The following PTPRO variants were observed in gnomAD, a reference collection of about 807,000 sequenced individuals.
PTPRO encodes the protein receptor-type tyrosine-protein phosphatase O.
PTPRO carries 62 observed loss-of-function variants against 145.2 expected under a neutral mutation model. The ratio of observed to expected loss-of-function variants is 0.43; its 90% CI spans 0.35 to 0.53. The LOEUF is 0.53. Ranked by LOEUF, PTPRO falls within the 20% of genes least tolerant of loss-of-function variation. The pLI is 0.01. For synonymous variants in PTPRO, 565 were observed against 514.7 expected, an observed-to-expected ratio of 1.10 and a Z score of -1.32; for missense variants, 1,345 against 1,482.7, an observed-to-expected ratio of 0.91 and a Z score of 1.53.
chr12:15,490,712 G>A (rs980145364), intron 2 of PTPRO, among the ~76,000 whole-genome samples: 1 of 152,076 alleles, frequency 6.6e-6, no homozygotes, highest in African/African-American at 2.4e-5. Flanking sequence ...CCTTAACAAA[G>A]CATGCAGTAT....
intron 19 of PTPRO, among the ~76,000 whole-genome samples, chr12:15,578,203 G>T (rs974062648): frequency 6.6e-6 from 1 of 151,572 alleles, no homozygotes; most frequent in African/African-American, 2.4e-5. Flanking sequence ...TTTCTCTAAG[G>T]CTCATTGCCT....
At chr12:15,402,426 C>G (rs1253953416) in intron 1 of PTPRO, among the ~76,000 whole-genome samples, 1 of 151,808 alleles carries the variant, frequency 6.6e-6, no homozygotes, top group Non-Finnish European at 1.5e-5. Context: ...AATTCCTCCT[C>G]AAGGTATAAG....
intron 1 of PTPRO, among the ~76,000 whole-genome samples, chr12:15,465,195 T>C (rs1354913324): frequency 3.3e-5 from 5 of 152,252 alleles, no homozygotes; most frequent in African/African-American, 1.2e-4. Context: ...ATTTTTGAGC[T>C]TCATTTATAA....
At chr12:15,593,606 A>C (rs1436435835) in intron 25 of PTPRO, among the ~76,000 whole-genome samples, 1 of 152,198 alleles carries the variant, frequency 6.6e-6, no homozygotes, top group African/African-American at 2.4e-5. Context: ...CTACAACTCT[A>C]TAAATCTCAT....
chr12:15,404,180 C>A (rs901396004), intron 1 of PTPRO, among the ~76,000 whole-genome samples: 1 of 134,706 alleles, frequency 7.4e-6, no homozygotes, highest in South Asian at 2.4e-4. Flanking sequence ...CAAAGCAAGA[C>A]CCCATCTCAA....
At chr12:15,432,986 TTTGTTGTTGTTG>T (rs145848522) in intron 1 of PTPRO, among the ~76,000 whole-genome samples, 1 of 152,000 alleles carries the variant, frequency 6.6e-6, no homozygotes, top group Admixed American at 6.6e-5. Flanking sequence ...TTTGTTTGTT[TTTGTTGTTGTTG>T]TTGTTGTTAT....
rs751652917 is a variant in PTPRO at position 15,542,682 on chromosome 12, G to A, written c.2165-3887G>A. Among the ~76,000 whole-genome samples the A allele has an allele frequency of 4.7e-4, 72 of 152,248 alleles. 1 individual carries two copies. The highest frequency in any genetic ancestry group is 8.8e-4 in the Non-Finnish European group (60 of 68,006). On this transcript the variant is annotated intron_variant, in intron 12 of 26. Transcript: ENST00000281171. ...AAAAGAAACAGGTAAAATTGAATTC[G>A]ATATACTTTATGTAACCAAATATAT...
intron 16 of PTPRO, among the ~76,000 whole-genome samples, chr12:15,558,451 C>G (rs1023439245): frequency 6.6e-6 from 1 of 152,092 alleles, no homozygotes; most frequent in Non-Finnish European, 1.5e-5. Flanking sequence ...AGAGCATTGT[C>G]AAGAGATTAA....
In PTPRO at chr12:15,450,779, A is replaced by C. The variant is rs1204540937; in HGVS notation, c.76-33195A>C. Among the ~76,000 whole-genome samples, 3 of 152,036 alleles carry C rather than the reference A, an allele frequency of 2.0e-5. No homozygotes were observed. The South Asian group carries it at 6.2e-4, about 32-fold the overall frequency. On this transcript the variant is annotated intron_variant, in intron 1 of 26. Coordinates refer to ENST00000281171, the MANE Select transcript of PTPRO (RefSeq NM_030667.3). ...CAGAGTTACATGCTGTCTCAAAAAA[A>C]ATTTTTTTTTAAATAAAAAAACTAC...
intron 12 of PTPRO, among the ~76,000 whole-genome samples, chr12:15,537,435 G>A (rs919867998): frequency 5.3e-5 from 8 of 152,174 alleles, no homozygotes; most frequent in African/African-American, 1.4e-4. Context: ...ACAGAAAAGT[G>A]TCCTGTCCCA....
At chr12:15,590,534 T>A (rs540276349) in intron 25 of PTPRO, among the ~76,000 whole-genome samples, 7 of 152,176 alleles carry the variant, frequency 4.6e-5, no homozygotes, top group Non-Finnish European at 7.3e-5. Flanking sequence ...CCACTAGATG[T>A]CAGTATCACT....
intron 1 of PTPRO, chr12:15,348,732 G>C (rs1937685020): frequency 6.6e-6 from 1 of 151,698 alleles, no homozygotes; most frequent in Non-Finnish European, 1.5e-5. Context: ...AGCCTGCCGT[G>C]AGCCGAGCTC....
At chr12:15,515,976 G>GTTT (rs779273373) in intron 8 of PTPRO, among the ~76,000 whole-genome samples, 6 of 126,228 alleles carry the variant, frequency 4.8e-5, no homozygotes, top group South Asian at 2.6e-4. Context: ...TGTTTGTCTG[G>GTTT]TTTTTTTTTT....
intron 1 of PTPRO, among the ~76,000 whole-genome samples, chr12:15,372,662 G>T (rs1031954508): frequency 6.6e-6 from 1 of 152,108 alleles, no homozygotes; most frequent in East Asian, 1.9e-4. Flanking sequence ...GAAATACCAC[G>T]CAAGACATTG....
At chr12:15,399,030 G>A (rs541281647) in intron 1 of PTPRO, among the ~76,000 whole-genome samples, 8 of 152,230 alleles carry the variant, frequency 5.3e-5, no homozygotes, top group Admixed American at 2.0e-4. Context: ...GAAGGTGGTC[G>A]GACAGGATTT....
rs11056562 is a variant in PTPRO, at chr12:15,567,955, C to T, written c.2748-1462C>T. Among the ~76,000 whole-genome samples, 435 of 152,190 alleles carry T rather than the reference C, an allele frequency of 2.9e-3. 1 individual carries two copies. Among genetic ancestry groups the T allele is most frequent in the Non-Finnish European group, 4.7e-3 (322 of 68,012 alleles). ...GCATGTGACTATTTATGAAGTGTAGCGTGTTTTATAAATGAGTTATTGTTA... is the reference window on the plus strand; with the variant it reads ...GCATGTGACTATTTATGAAGTGTAGTGTGTTTTATAAATGAGTTATTGTTA... On this transcript the variant is annotated intron_variant, in intron 18 of 26. Transcript: ENST00000281171.
intron 4 of PTPRO, among the ~76,000 whole-genome samples, chr12:15,501,284 T>G (rs1942216507): frequency 1.6e-3 from 1 of 628 alleles, no homozygotes; most frequent in South Asian, 0.1. Flanking sequence ...AGAGATACAT[T>G]TTTTTGTAAG....
At chr12:15,441,783 T>C (rs1239036879) in intron 1 of PTPRO, among the ~76,000 whole-genome samples, 1 of 152,198 alleles carries the variant, frequency 6.6e-6, no homozygotes, top group Admixed American at 6.5e-5. Flanking sequence ...AAACACACAA[T>C]TTCCCATGAT....
At chr12:15,586,393 A>T (rs1944430510) in intron 23 of PTPRO, among the ~76,000 whole-genome samples, 1 of 152,180 alleles carries the variant, frequency 6.6e-6, no homozygotes, top group Non-Finnish European at 1.5e-5. Context: ...ACAATTAGTC[A>T]GTCATTAGCT....
Sources: allele counts gnomAD v4.1 joint callset (sites outside exome capture counted in the v4.1 genomes callset), GRCh38; gene constraint gnomAD v4.1.1; transcripts MANE v1.5; gene names NCBI Gene and HGNC (gene_info 2026-07-23, HGNC 2026-07-21).